The following SMIM36 variants were observed in gnomAD, a reference collection of about 807,000 sequenced individuals.
SMIM36 encodes small integral membrane protein 36.
intron 1 of SMIM36, among the ~76,000 whole-genome samples, chr17:55,495,423 G>T (rs1198114518): frequency 6.6e-6 from 1 of 152,166 alleles, no homozygotes; most frequent in East Asian, 1.9e-4. Context: ...ATTACACTTT[G>T]TGATCTAATC....
At chr17:55,469,410 T>C (rs920058849) in intron 3 of SMIM36, among the ~76,000 whole-genome samples, 1 of 152,110 alleles carries the variant, frequency 6.6e-6, no homozygotes, top group Non-Finnish European at 1.5e-5. Flanking sequence ...TCATGACCCA[T>C]TTGGCAACAA....
intron 4 of SMIM36, among the ~76,000 whole-genome samples, chr17:55,459,478 AACTATCCT>A (rs1447722697): frequency 6.6e-6 from 1 of 152,204 alleles, no homozygotes; most frequent in Non-Finnish European, 1.5e-5. Flanking sequence ...AAGTTGGCAT[AACTATCCT>A]TGCCTCAGGG....
intron 4 of SMIM36, among the ~76,000 whole-genome samples, chr17:55,465,977 A>G (rs1909229139): frequency 6.6e-6 from 1 of 152,076 alleles, no homozygotes; most frequent in South Asian, 2.1e-4. Flanking sequence ...AGGAGACAGG[A>G]AGATAAGAAA....
chr17:55,512,433 T>G (rs1045728427), upstream of SMIM36, among the ~76,000 whole-genome samples: 1 of 152,016 alleles, frequency 6.6e-6, no homozygotes, highest in African/African-American at 2.4e-5. Context: ...CACAGGGGAG[T>G]GACACTACTG....
chr17:55,517,190 A>G, the SMIM36 span, among the ~76,000 whole-genome samples: 1 of 152,340 alleles, frequency 6.6e-6, no homozygotes, highest in East Asian at 1.9e-4. Context: ...TATTGAAGGT[A>G]TACTAAGATG....
intron 1 of SMIM36, among the ~76,000 whole-genome samples, chr17:55,494,106 G>A (rs1909764936): frequency 6.6e-6 from 1 of 152,124 alleles, no homozygotes. Flanking sequence ...TACAATGGAT[G>A]TAAAAATCCT....
intron 1 of SMIM36, among the ~76,000 whole-genome samples, chr17:55,484,094 C>T (rs1271539239): frequency 6.6e-6 from 1 of 151,730 alleles, no homozygotes. Flanking sequence ...TATAAGAACC[C>T]ATGAATTTAT....
At chr17:55,467,101 C>T (rs1909253304) in intron 4 of SMIM36, 44 bp downstream of exon 4, 1 of 152,220 alleles carries the variant, frequency 6.6e-6, no homozygotes, top group South Asian at 2.1e-4. Flanking sequence ...AAAACCAAAA[C>T]TTGCTCCAAA....
At chr17:55,497,646 A>C (rs1909832824) in intron 1 of SMIM36, among the ~76,000 whole-genome samples, 2 of 151,794 alleles carry the variant, frequency 1.3e-5, no homozygotes, top group Admixed American at 6.6e-5. Flanking sequence ...GGATTGCTTG[A>C]ACCCAGGAGT....
intron 1 of SMIM36, among the ~76,000 whole-genome samples, chr17:55,502,080 C>T (rs867396993): frequency 0.011 from 1,662 of 151,554 alleles, 2 homozygotes; most frequent in Middle Eastern, 0.031. Context: ...CCTACGCCCA[C>T]GGAATCTCGC....
chr17:55,497,027 G>A (rs1011393820), intron 1 of SMIM36, among the ~76,000 whole-genome samples: 2 of 152,102 alleles, frequency 1.3e-5, no homozygotes, highest in Non-Finnish European at 2.9e-5. Flanking sequence ...ATGGGGTATC[G>A]GAAGAGACTT....
chr17:55,457,516 AT>A lies in SMIM36; in HGVS notation c.*532-7219del, dbSNP rs562198505. On this transcript the variant is annotated intron_variant, in intron 4 of 4. Coordinates refer to ENST00000636752, the Ensembl canonical transcript of SMIM36. ...GACAGCTCTCGAGATCTTTAAAAAA[AT>A]TTTTTTTATTTTTATTTTTTGTTTT... 2.8e-3 allele frequency among the ~76,000 whole-genome samples: 426 copies of A among 151,336 alleles called. 2 individuals are homozygous for A. Among genetic ancestry groups the A allele is most frequent in the African/African-American group, 9.9e-3 (407 of 41,202 alleles).
chr17:55,492,094 G>T (rs1414322068), intron 1 of SMIM36, among the ~76,000 whole-genome samples: 1 of 151,350 alleles, frequency 6.6e-6, no homozygotes, highest in Non-Finnish European at 1.5e-5. Flanking sequence ...GGGAGGCAGA[G>T]CTTGCAGTGA....
intron 1 of SMIM36, among the ~76,000 whole-genome samples, chr17:55,481,249 A>T (rs548960821): frequency 1.3e-5 from 2 of 152,298 alleles, no homozygotes; most frequent in East Asian, 3.9e-4. Flanking sequence ...TTTATGCCTA[A>T]TTCTAACAGA....
chr17:55,478,963 C>T (rs1003723580), intron 2 of SMIM36, 150 bp from the exon 3 acceptor site: 1 of 152,126 alleles, frequency 6.6e-6, no homozygotes, highest in African/African-American at 2.4e-5. Flanking sequence ...TCCTGTAGAC[C>T]CATGGGAAGG....
At chr17:55,488,585 C>T (rs775928380) in intron 1 of SMIM36, among the ~76,000 whole-genome samples, 1 of 152,124 alleles carries the variant, frequency 6.6e-6, no homozygotes, top group East Asian at 1.9e-4. Flanking sequence ...TGATTATTAG[C>T]CTATTACAAT....
intron 4 of SMIM36, among the ~76,000 whole-genome samples, chr17:55,459,189 C>G (rs1054918071): frequency 1.3e-5 from 2 of 152,162 alleles, no homozygotes; most frequent in Non-Finnish European, 2.9e-5. Flanking sequence ...CCATCACACG[C>G]CCTGAGAGGG....
intron 1 of SMIM36, 23 bp downstream of exon 1, chr17:55,510,856 A>G (rs2144725005): frequency 2.8e-6 from 1 of 360,618 alleles, no homozygotes; most frequent in African/African-American, 2.1e-5. Context: ...GAATTTGACT[A>G]AAGACCACTT....
the SMIM36 span, among the ~76,000 whole-genome samples, chr17:55,524,943 T>C: frequency 6.6e-6 from 1 of 152,214 alleles, no homozygotes; most frequent in Admixed American, 6.5e-5. Context: ...CACTGAGCCA[T>C]CCGATCCTCC....
Sources: allele counts gnomAD v4.1 joint callset (sites outside exome capture counted in the v4.1 genomes callset), GRCh38; gene constraint gnomAD v4.1.1; transcripts MANE v1.5; gene names NCBI Gene and HGNC (gene_info 2026-07-23, HGNC 2026-07-21).